CARNMT1: variants seen among roughly 807,000 people sequenced by gnomAD.
CARNMT1 encodes the protein protein-L-histidine N-pros-methyltransferase CARNMT1.
Under a neutral mutation model 49.6 loss-of-function variants are expected in CARNMT1, and 28 were observed. That is an observed-to-expected ratio of 0.56 (90% CI 0.42 to 0.77). The LOEUF is 0.77. Among genes scored for constraint, CARNMT1 ranks in the 30% least tolerant of loss-of-function variants. The pLI is 0.00. For missense variants in CARNMT1, 421 were observed against 512.6 expected (o/e 0.82, Z 1.73); for synonymous variants, 178 against 175.0 (o/e 1.02, Z -0.13).
intron 1 of CARNMT1, among the ~76,000 whole-genome samples, chr9:75,021,324 TTA>T (rs994138295): frequency 6.9e-6 from 1 of 145,318 alleles, no homozygotes; most frequent in African/African-American, 2.5e-5. Flanking sequence ...ACCATATATA[TTA>T]TATATAGTAT....
rs1192358048 is a variant in CARNMT1, at chr9:74,983,020, GT to G, written c.*746del. The G allele has an allele frequency of 8.6e-5, 13 of 152,038 alleles. No homozygotes were observed. Among genetic ancestry groups the G allele is most frequent in the Admixed American group, 8.5e-4 (13 of 15,254 alleles). 9.4% of individuals were successfully genotyped at this position (152,038 alleles called of 1,614,324 possible). A position where few individuals can be genotyped will look rare whatever the true frequency, so the allele number is the denominator to read the frequency against. ...ATTTAACATTTCATAAAAAAGAAATGTTTGATGCTTCTTTAAGTTCATCTGA... is the reference window on the plus strand; with the variant it reads ...ATTTAACATTTCATAAAAAAGAAATGTTGATGCTTCTTTAAGTTCATCTGA... On this transcript the variant is annotated 3_prime_UTR_variant, in exon 8 of 8. Transcript: ENST00000376834.
At chr9:74,999,987 G>A (rs957362803) in intron 3 of CARNMT1, 117 bp from the exon 4 acceptor site, 1 of 813,572 alleles carries the variant, frequency 1.2e-6, no homozygotes. Flanking sequence ...CTAAGACTCT[G>A]ACTTCTCACA....
chr9:74,983,649 TAAG>T lies in CARNMT1; in HGVS notation c.*115_*117del. On this transcript the variant is annotated 3_prime_UTR_variant, in exon 8 of 8. Coordinates refer to ENST00000376834, the MANE Select transcript of CARNMT1 (RefSeq NM_152420.3). ...CACTATTTCTAAATTTCGTTAGGAA[TAAG>T]AAGGCACCACTGATTTGAGGTTGTG... 1 of 566,206 alleles carries T rather than the reference TAAG, an allele frequency of 1.8e-6. No homozygotes were observed. The highest frequency in any genetic ancestry group is 3.2e-6 in the Non-Finnish European group (1 of 313,912). The allele number at this position is 566,206 out of a possible 1,614,324, so 35.1% of individuals were successfully genotyped here. A position where few individuals can be genotyped will look rare whatever the true frequency, so the allele number is the denominator to read the frequency against.
chr9:75,016,352 C>T lies in CARNMT1; in HGVS notation c.506G>A (p.Trp169Ter). 1.2e-6 allele frequency: 2 copies of T among 1,614,024 alleles called. No individual in the cohort carries two copies. The highest frequency in any genetic ancestry group is 1.7e-6 in the Non-Finnish European group (2 of 1,179,960). Reference protein sequence around the residue: ...KSTLKQFVRDWSETGKAERDA... With the variant: ...KSTLKQFVRD Reference sequence around the variant, plus strand: ...CCTTTCTGCTTTCCCAGTTTCACTCCAGTCTCTCACAAACTGTTTCAGCGT... The same window carrying T: ...CCTTTCTGCTTTCCCAGTTTCACTCTAGTCTCTCACAAACTGTTTCAGCGT... The change falls in exon 3 of 8, where the codon TGG (tryptophan) becomes TAG (stop). Residue 169 changes from tryptophan (W) to a stop codon, truncating the protein, a stop_gained. Transcript: ENST00000376834. LOFTEE classifies it high-confidence loss of function.
Position 74,982,806 on chromosome 9 carries a change from T to C in CARNMT1, c.*961A>G, listed in dbSNP as rs1312349944. ...ATTTCAAATGGGTAAATTTTATTCT[T>C]ATTTTCTCTGTTTCCTAGCACTACT... On this transcript the variant is annotated 3_prime_UTR_variant, in exon 8 of 8. Coordinates refer to ENST00000376834, the MANE Select transcript of CARNMT1 (RefSeq NM_152420.3). The C allele has an allele frequency of 1.3e-5, 2 of 152,182 alleles. No homozygotes were observed. The highest frequency in any genetic ancestry group is 6.6e-5 in the Admixed American group (1 of 15,264). 9.4% of individuals were successfully genotyped at this position (152,182 alleles called of 1,614,324 possible).
At chr9:74,984,018 T>C (rs1832753605) in intron 7 of CARNMT1, 150 bp from the exon 8 acceptor site, 1 of 453,864 alleles carries the variant, frequency 2.2e-6, no homozygotes, top group African/African-American at 2.0e-5. Context: ...GTACTATTAA[T>C]ATTAGTAGTC....
At chr9:75,014,016 T>G (rs1453848655) in intron 3 of CARNMT1, among the ~76,000 whole-genome samples, 1 of 104,234 alleles carries the variant, frequency 9.6e-6, no homozygotes, top group Admixed American at 9.8e-5. Flanking sequence ...CACATCCACT[T>G]ACTTAAAAAA....
At chr9:75,016,156 C>T (rs758329610) in intron 3 of CARNMT1, 112 bp downstream of exon 3, 8 of 758,130 alleles carry the variant, frequency 1.1e-5, no homozygotes, top group Non-Finnish European at 1.5e-5. Flanking sequence ...ACATGTAAAA[C>T]ATACAGGCAC....
chr9:74,993,896 C>CT (rs1015873229), intron 6 of CARNMT1, among the ~76,000 whole-genome samples: 80 of 152,296 alleles, frequency 5.3e-4, no homozygotes, highest in African/African-American at 1.9e-3. Context: ...AACTTTTAGA[C>CT]TGACTAGAGA....
At chr9:74,987,522 G>C (rs546433620) in intron 6 of CARNMT1, among the ~76,000 whole-genome samples, 41 of 152,194 alleles carry the variant, frequency 2.7e-4, no homozygotes, top group African/African-American at 8.7e-4. Context: ...GAAAGCCAGA[G>C]ACAAAAAGCA....
rs1322684587 is a variant in CARNMT1, at chr9:74,981,687, AAATT to A, written c.*2076_*2079del. On this transcript the variant is annotated 3_prime_UTR_variant, in exon 8 of 8. Coordinates refer to ENST00000376834, the MANE Select transcript of CARNMT1 (RefSeq NM_152420.3). ...TATTAAAGAAAACCTAATAGAAAAA[AAATT>A]AATTAATAAAGCCAACCCACCAGTG... is the stretch of plus-strand genomic sequence containing the variant. The A allele has an allele frequency of 7.2e-5, 11 of 152,272 alleles. No individual in the cohort carries two copies. The highest frequency in any genetic ancestry group is 1.9e-4 in the East Asian group (1 of 5,190). The allele number at this position is 152,272 out of a possible 1,614,324, so 9.4% of individuals were successfully genotyped here.
At chr9:74,990,457 CG>C (rs1261994680) in intron 6 of CARNMT1, among the ~76,000 whole-genome samples, 7 of 152,174 alleles carry the variant, frequency 4.6e-5, no homozygotes, top group African/African-American at 1.7e-4. Context: ...TATGAACTTA[CG>C]ATTTTGTCTG....
chr9:75,021,951 G>GA (rs371288454), intron 1 of CARNMT1, among the ~76,000 whole-genome samples: 33 of 145,802 alleles, frequency 2.3e-4, no homozygotes, highest in African/African-American at 7.0e-4. Context: ...AAAAAGAGAA[G>GA]AAAAAAAAAA....
At chr9:75,009,285 G>C (rs1833614822) in intron 3 of CARNMT1, among the ~76,000 whole-genome samples, 2 of 152,090 alleles carry the variant, frequency 1.3e-5, no homozygotes, top group South Asian at 4.1e-4. Flanking sequence ...GGGTGCAGTG[G>C]CTATTACTAG....
At chr9:75,013,632 C>G (rs1257631893) in intron 3 of CARNMT1, among the ~76,000 whole-genome samples, 1 of 151,418 alleles carries the variant, frequency 6.6e-6, no homozygotes, top group Non-Finnish European at 1.5e-5. Context: ...CCAGGATACA[C>G]TAAGTGAAAA....
chr9:74,992,405 GTAGT>G (rs1213553201), intron 6 of CARNMT1, among the ~76,000 whole-genome samples: 4 of 152,156 alleles, frequency 2.6e-5, no homozygotes, highest in African/African-American at 9.7e-5. Context: ...TTCTTCAGAT[GTAGT>G]TAGATTCATT....
Position 74,983,837 on chromosome 9 carries a change from G to C in CARNMT1, c.1160C>G (p.Thr387Ser), listed in dbSNP as rs1832748257. The C allele has an allele frequency of 1.9e-6, 3 of 1,604,240 alleles. No individual in the cohort carries two copies. The highest frequency in any genetic ancestry group is 2.6e-6 in the Non-Finnish European group (3 of 1,174,866). The part of the protein sequence containing the change: ...VEKESVLSTY[T>S]VNDLSMMKYY... Reference sequence around the variant, plus strand: ...TTTCATCATAGAGAGATCATTCACAGTATATGTTGACAATACAGATTCTTT... The same window carrying C: ...TTTCATCATAGAGAGATCATTCACACTATATGTTGACAATACAGATTCTTT... The change falls in exon 8 of 8, where the codon ACT (threonine) becomes AGT (serine). Residue 387 changes from threonine (T) to serine (S), a missense_variant. Physicochemically the swap from Thr to Ser is moderately conservative, Grantham distance 58. This residue lies in a region of CARNMT1 where 235 missense variants were observed against 344.8 expected (regional missense o/e 0.68). Coordinates refer to ENST00000376834, the MANE Select transcript of CARNMT1 (RefSeq NM_152420.3).
rs1260968162 is a variant in CARNMT1, at chr9:74,999,840, A to G, written c.621T>C (p.Pro207=). ...AGGCCAGTCTTCCTAGTCCAGCACC[A>G]GGTACCAGAATATTTACTTTAGAAG... The part of the protein sequence containing the change: ...WDPSKVNILV[P]GAGLGRLAWE... The change falls in exon 4 of 8, where the codon CCT becomes CCC. Residue 207 remains proline (P), a synonymous_variant. Transcript: ENST00000376834. 1.9e-6 allele frequency: 3 copies of G among 1,611,070 alleles called. No homozygotes were observed. The highest frequency in any genetic ancestry group is 2.5e-6 in the Non-Finnish European group (3 of 1,178,428).
intron 4 of CARNMT1, among the ~76,000 whole-genome samples, chr9:74,999,115 AT>A (rs1833283690): frequency 6.6e-6 from 1 of 152,158 alleles, no homozygotes; most frequent in Admixed American, 6.5e-5. Flanking sequence ...ACAGTTTGCT[AT>A]TTTTTGTATA....
Sources: gnomAD v4.1 joint callset for allele counts (sites outside exome capture counted in the v4.1 genomes callset) on GRCh38, gnomAD v4.1.1 for gene constraint, gnomAD v4.1.1 regional missense constraint, MANE v1.5 for transcripts, NCBI Gene and HGNC (gene_info 2026-07-23, HGNC 2026-07-21) for gene names.